ATE1: variants seen among roughly 807,000 people sequenced by gnomAD.
The protein encoded by ATE1 is arginyltransferase 1, also known as arginyl-tRNA--protein transferase 1.
In ATE1, 36 loss-of-function variants were observed where a neutral mutation model predicts 70.5. The observed-to-expected ratio is 0.51, with a 90% CI of 0.39 to 0.67. ATE1 has a LOEUF of 0.67. ATE1 is among the 30% of genes least tolerant of loss of function. The probability of loss-of-function intolerance (pLI) is 0.00; values close to 1 mark genes in which losing one functional copy is unlikely to be tolerated. For synonymous variants in ATE1, 232 were observed against 219.3 expected, an observed-to-expected ratio of 1.06 and a Z score of -0.51; for missense variants, 593 against 629.5, an observed-to-expected ratio of 0.94 and a Z score of 0.62.
chr10:121,910,387 C>T (rs182347701), intron 5 of ATE1, among the ~76,000 whole-genome samples: 2 of 152,080 alleles, frequency 1.3e-5, no homozygotes, highest in African/African-American at 4.8e-5. Context: ...ACTTATTAAG[C>T]CTAATTCTTT....
intron 7 of ATE1, among the ~76,000 whole-genome samples, chr10:121,878,184 G>T (rs949556331): frequency 6.6e-6 from 1 of 152,174 alleles, no homozygotes; most frequent in East Asian, 1.9e-4. Context: ...AGTGATAGAA[G>T]GGTAGTTAAC....
chr10:121,765,244 T>C (rs1198723964), intron 11 of ATE1, among the ~76,000 whole-genome samples: 1 of 152,156 alleles, frequency 6.6e-6, no homozygotes, highest in East Asian at 1.9e-4. Context: ...TACCCCTCCA[T>C]GAGAAGTCAC....
intron 10 of ATE1, among the ~76,000 whole-genome samples, chr10:121,817,809 TCA>T (rs1419976362): frequency 6.6e-6 from 1 of 151,480 alleles, no homozygotes; most frequent in Non-Finnish European, 1.5e-5. Flanking sequence ...AGAGAAGAGG[TCA>T]CAGTCAAAGC....
chr10:121,870,974 G>A (rs1266459128), intron 7 of ATE1, among the ~76,000 whole-genome samples: 1 of 152,076 alleles, frequency 6.6e-6, no homozygotes, highest in African/African-American at 2.4e-5. Context: ...ACAATGACAG[G>A]ACTGTTTCCA....
At position 121,743,579 on chromosome 10, in the gene ATE1, A is replaced by C. The variant is rs1944216129; in HGVS notation, c.*101T>G. On this transcript the variant is annotated 3_prime_UTR_variant, in exon 12 of 12. Transcript: ENST00000224652. ...TAGATAGTCAAAATAAAAAATGTCT[A>C]ATTTGTGGGTGGTGACAGTTATTTC... 1 of 1,391,244 alleles carries C rather than the reference A, an allele frequency of 7.2e-7. No homozygotes were observed. Among genetic ancestry groups the C allele is most frequent in the Non-Finnish European group, 9.3e-7 (1 of 1,075,366 alleles). 86.2% of individuals were successfully genotyped at this position (1,391,244 alleles called of 1,614,324 possible).
At chr10:121,879,185 C>T (rs567413373) in intron 7 of ATE1, among the ~76,000 whole-genome samples, 18 of 152,162 alleles carry the variant, frequency 1.2e-4, no homozygotes, top group African/African-American at 3.1e-4. Context: ...ATTTGTGTTC[C>T]GGCCTCATCA....
At position 121,741,378 on chromosome 10, in the gene ATE1, A is replaced by C. The variant is rs1279005586; in HGVS notation, c.*2302T>G. ...CAGCAGCCAAGTAGAAGGATCTCCAATGCTCAAGTCACTCTGAGTCTTTGC... is the reference window on the plus strand; with the variant it reads ...CAGCAGCCAAGTAGAAGGATCTCCACTGCTCAAGTCACTCTGAGTCTTTGC... On this transcript the variant is annotated 3_prime_UTR_variant, in exon 12 of 12. Coordinates refer to ENST00000224652, the MANE Select transcript of ATE1 (RefSeq NM_001001976.3). 1.3e-5 allele frequency: 2 copies of C among 152,250 alleles called. No individual in the cohort carries two copies. The highest frequency in any genetic ancestry group is 1.3e-4 in the Admixed American group (2 of 15,284). 9.4% of individuals were successfully genotyped at this position (152,250 alleles called of 1,614,324 possible).
intron 6 of ATE1, among the ~76,000 whole-genome samples, chr10:121,900,501 T>C (rs1950938673): frequency 6.6e-6 from 1 of 152,240 alleles, no homozygotes; most frequent in Non-Finnish European, 1.5e-5. Context: ...TGAAGTCACA[T>C]TTCCTTTGTT....
intron 5 of ATE1, 69 bp downstream of exon 5, chr10:121,910,837 C>T (rs1160270330): frequency 6.9e-6 from 11 of 1,602,992 alleles, no homozygotes; most frequent in African/African-American, 1.3e-5. Flanking sequence ...ATGGAAAGAC[C>T]CAGGGTTTAA....
intron 10 of ATE1, among the ~76,000 whole-genome samples, chr10:121,798,241 C>G (rs1946735737): frequency 6.6e-6 from 1 of 152,118 alleles, no homozygotes; most frequent in Non-Finnish European, 1.5e-5. Flanking sequence ...GCTAGAATTA[C>G]AAGGACATAA....
chr10:121,863,601 TAA>T lies in ATE1; in HGVS notation c.975+6403_975+6404del, dbSNP rs1949555520. 1.3e-5 allele frequency among the ~76,000 whole-genome samples: 2 copies of T among 151,976 alleles called. 1 individual carries two copies. The highest frequency in any genetic ancestry group is 4.2e-4 in the South Asian group (2 of 4,808). ...TACAGCCACTCTGACTTAAAATTCT[TAA>T]GTTTTTTTTTCATTTTTATTTTTAG... On this transcript the variant is annotated intron_variant, in intron 8 of 11. Coordinates refer to ENST00000224652, the MANE Select transcript of ATE1 (RefSeq NM_001001976.3).
intron 1 of ATE1, chr10:121,927,370 AG>A: frequency 1.0e-6 from 1 of 984,168 alleles, no homozygotes; most frequent in Non-Finnish European, 1.2e-6. Flanking sequence ...AGAGATGCAA[AG>A]GGCTCATCCT....
At chr10:121,844,125 T>C (rs1948728750) in intron 8 of ATE1, among the ~76,000 whole-genome samples, 1 of 152,318 alleles carries the variant, frequency 6.6e-6, no homozygotes, top group South Asian at 2.1e-4. Context: ...AAATATTGGG[T>C]GTCATGGCTT....
chr10:121,877,654 C>A (rs537163385), intron 7 of ATE1, among the ~76,000 whole-genome samples: 1 of 103,996 alleles, frequency 9.6e-6, no homozygotes, highest in Non-Finnish European at 2.6e-5. Context: ...CCAATAAATA[C>A]GTAAAAAGCT....
intron 8 of ATE1, among the ~76,000 whole-genome samples, chr10:121,849,203 C>T (rs1327346553): frequency 1.5e-4 from 14 of 94,238 alleles, no homozygotes; most frequent in Middle Eastern, 6.3e-3. Flanking sequence ...AGGATCAAAA[C>T]TCCATCTCAA....
chr10:121,896,375 A>G (rs999647834), intron 7 of ATE1, among the ~76,000 whole-genome samples: 5 of 152,234 alleles, frequency 3.3e-5, no homozygotes, highest in Non-Finnish European at 5.9e-5. Context: ...AATAACAACA[A>G]AAAAGTATGG....
chr10:121,771,675 C>G (rs540212930), intron 11 of ATE1, among the ~76,000 whole-genome samples: 1 of 152,128 alleles, frequency 6.6e-6, no homozygotes. Flanking sequence ...TTATTTTATG[C>G]AAACAAATTA....
chr10:121,781,210 T>C (rs1385235918), intron 11 of ATE1, among the ~76,000 whole-genome samples: 1 of 152,082 alleles, frequency 6.6e-6, no homozygotes, highest in Non-Finnish European at 1.5e-5. Flanking sequence ...TCTTGGGCAC[T>C]GCCTTTCATC....
chr10:121,921,384 T>TCCCAGAGGCAGCAACAGGCACGG (rs1951875949), intron 3 of ATE1, among the ~76,000 whole-genome samples: 1 of 150,578 alleles, frequency 6.6e-6, no homozygotes, highest in East Asian at 1.9e-4. Flanking sequence ...GGCCGACTTG[T>TCCCAGAGGCAGCAACAGGCACGG]CCCAGAGGCA....
Sources: gnomAD v4.1 joint callset for allele counts (sites outside exome capture counted in the v4.1 genomes callset) on GRCh38, gnomAD v4.1.1 for gene constraint, MANE v1.5 for transcripts, NCBI Gene and HGNC (gene_info 2026-07-23, HGNC 2026-07-21) for gene names.